Variants in ADH6 observed in about 807,000 individuals in gnomAD.
ADH6 encodes alcohol dehydrogenase 6.
Under a neutral mutation model 36.5 loss-of-function variants are expected in ADH6, and 34 were observed. The observed-to-expected ratio is 0.93, with a 90% CI of 0.71 to 1.24. The LOEUF (loss-of-function observed/expected upper bound fraction) is 1.24, where lower values mean the gene tolerates loss of function less well. ADH6 is among the 50% of genes most tolerant of loss of function. The probability of loss-of-function intolerance (pLI) is 0.00; values close to 1 mark genes in which losing one functional copy is unlikely to be tolerated. For missense variants in ADH6, 440 were observed against 447.0 expected (o/e 0.98, Z 0.14); for synonymous variants, 161 against 155.5 (o/e 1.04, Z -0.26).
At chr4:99,218,990 A>AGAG in intron 1 of ADH6, 145 bp downstream of exon 1, 1 of 732,900 alleles carries the variant, frequency 1.4e-6, no homozygotes, top group South Asian at 1.7e-5. Flanking sequence ...AGGAAAAAGG[A>AGAG]GAGGAGGAGG....
chr4:99,214,726 A>G (rs1250880038), intron 2 of ADH6, among the ~76,000 whole-genome samples: 3 of 152,326 alleles, frequency 2.0e-5, no homozygotes, highest in African/African-American at 7.2e-5. Flanking sequence ...TCACATGCAC[A>G]TACTCCTTAG....
chr4:99,204,967 T>A lies in ADH6; in HGVS notation c.1061A>T (p.Asp354Val). ...TAATTCAACTGCTTCATTGATTTTA[T>A]CAAGATTCAGAGTATGAGTAATTAG... ...DPLITHTLNL[D>V]KINEAVELMK... is the part of the protein sequence containing the mutation. The change falls in exon 8 of 9, where the codon GAT (aspartate) becomes GTT (valine). Residue 354 changes from aspartate (D) to valine (V), a missense_variant. By Grantham distance (152) the Asp-to-Val change is radical. Transcript: ENST00000394899. 6.2e-7 allele frequency: 1 copy of A among 1,610,150 alleles called. No individual in the cohort carries two copies. Among genetic ancestry groups the A allele is most frequent in the Non-Finnish European group, 8.5e-7 (1 of 1,178,368 alleles).
intron 7 of ADH6, among the ~76,000 whole-genome samples, 197 bp from the exon 8 acceptor site, chr4:99,205,260 C>G (rs531078521): frequency 7.9e-5 from 12 of 152,084 alleles, no homozygotes; most frequent in Non-Finnish European, 1.8e-4. Flanking sequence ...AAGGAGACTT[C>G]TGGTACTACA....
Position 99,208,923 on chromosome 4 carries a change from A to G in ADH6, c.573T>C (p.Thr191=). The G allele has an allele frequency of 6.2e-7, 1 of 1,612,968 alleles. No individual in the cohort carries two copies. Among genetic ancestry groups the G allele is most frequent in the South Asian group, 1.1e-5 (1 of 90,944 alleles). ...CAAACACAGCACAGGTAGAACCTGGAGTCACCTAAACACATACAGGCAGAA... is the reference window on the plus strand; with the variant it reads ...CAAACACAGCACAGGTAGAACCTGGGGTCACCTAAACACATACAGGCAGAA... ...FGAAINTAKV[T]PGSTCAVFGL... is the part of the protein sequence containing the mutation. The change falls in exon 6 of 9, where the codon ACT becomes ACC. Residue 191 remains threonine (T), a synonymous_variant. Coordinates refer to ENST00000394899, the MANE Select transcript of ADH6 (RefSeq NM_001102470.2).
intron 2 of ADH6, chr4:99,215,931 A>T: frequency 3.3e-6 from 1 of 298,592 alleles, no homozygotes; most frequent in Non-Finnish European, 6.1e-6. Flanking sequence ...AGCTGTAAAT[A>T]AGCCTGAGTT....
At chr4:99,211,334 G>T (rs1201545292) in intron 3 of ADH6, among the ~76,000 whole-genome samples, 1 of 151,994 alleles carries the variant, frequency 6.6e-6, no homozygotes, top group Non-Finnish European at 1.5e-5. Flanking sequence ...TATCTACCCT[G>T]GTTTGGGCCT....
rs748171479 is a variant in ADH6 at position 99,210,173 on chromosome 4, G to A, written c.476C>T (p.Ala159Val). ...EYTVIKEISV[A>V]KIDAVAPLEK... ...TAGAGGAGCGACTGCATCAATCTTG[G>A]CAACTGAGATTTCCTTTATCACTGT... Residue 159 changes from alanine to valine, a missense_variant, in exon 5 of 9, where the codon GCC (alanine) becomes GTC (valine). Coordinates refer to ENST00000394899, the MANE Select transcript of ADH6 (RefSeq NM_001102470.2). 1 of 1,613,776 alleles carries A rather than the reference G, an allele frequency of 6.2e-7. No homozygotes were observed. Among genetic ancestry groups the A allele is most frequent in the Admixed American group, 1.7e-5 (1 of 59,944 alleles).
At position 99,210,506 on chromosome 4, in the gene ADH6, A is replaced by G. The variant is rs1179994175; in HGVS notation, c.263-4T>C. On this transcript the variant is annotated splice_polypyrimidine_tract_variant and splice_region_variant and intron_variant, in intron 3 of 8. Coordinates refer to ENST00000394899, the MANE Select transcript of ADH6 (RefSeq NM_001102470.2). ...AAGAGTGTGATAACTTTGTCACCTAAAAGAGCAAAATCATGTCTTATTAAC... is the reference window on the plus strand; with the variant it reads ...AAGAGTGTGATAACTTTGTCACCTAGAAGAGCAAAATCATGTCTTATTAAC... 1 of 1,594,960 alleles carries G rather than the reference A, an allele frequency of 6.3e-7. No homozygotes were observed. The highest frequency in any genetic ancestry group is 8.6e-7 in the Non-Finnish European group (1 of 1,165,374).
At chr4:99,215,025 A>G (rs9307238) in intron 2 of ADH6, among the ~76,000 whole-genome samples, 86,022 of 151,990 alleles carry the variant, frequency 0.57, 24,959 homozygotes, top group East Asian at 0.88. Context: ...ACCATTGCCT[A>G]CCATCACTTA....
chr4:99,204,961 A>AT lies in ADH6; in HGVS notation c.1066dup (p.Ile356AsnfsTer3), dbSNP rs1435057540. 2.5e-6 allele frequency: 4 copies of AT among 1,608,574 alleles called. No homozygotes were observed. Among genetic ancestry groups the AT allele is most frequent in the Non-Finnish European group, 3.4e-6 (4 of 1,178,018 alleles). ...TTTCATTAATTCAACTGCTTCATTG[A>AT]TTTTATCAAGATTCAGAGTATGAGT... is the stretch of plus-strand genomic sequence containing the variant. On this transcript the variant is annotated frameshift_variant, in exon 8 of 9. Coordinates refer to ENST00000394899, the MANE Select transcript of ADH6 (RefSeq NM_001102470.2). LOFTEE classifies it low-confidence loss of function (END_TRUNC).
At chr4:99,207,404 C>T (rs1731072385) in intron 7 of ADH6, 42 bp downstream of exon 7, 1 of 1,609,498 alleles carries the variant, frequency 6.2e-7, no homozygotes, top group South Asian at 1.1e-5. Context: ...TTCCCACCTT[C>T]ACCTCCTCAG....
chr4:99,204,995 G>C lies in ADH6; in HGVS notation c.1033C>G (p.Pro345Ala). Residue 345 changes from proline to alanine, a missense_variant, in exon 8 of 9, where the codon CCA becomes GCA. Transcript: ENST00000394899. ...DYMAEKLNLD[P>A]LITHTLNLDK... ...AGATTCAGAGTATGAGTAATTAGTG[G>C]ATCTAGATTCAACTTCTCTGCCATA... 13 of 1,609,498 alleles carry C rather than the reference G, an allele frequency of 8.1e-6. No homozygotes were observed. Among genetic ancestry groups the C allele is most frequent in the Non-Finnish European group, 1.1e-5 (13 of 1,177,818 alleles).
At chr4:99,204,661 A>G in intron 8 of ADH6, 11 of 1,200,364 alleles carry the variant, frequency 9.2e-6, no homozygotes, top group Non-Finnish European at 1.1e-5. Flanking sequence ...TCATGTAAAA[A>G]AAAAATCCAT....
At chr4:99,211,504 G>T (rs956037540) in intron 3 of ADH6, among the ~76,000 whole-genome samples, 2 of 152,104 alleles carry the variant, frequency 1.3e-5, no homozygotes, top group African/African-American at 4.8e-5. Context: ...TCTTATTGTA[G>T]ACAGAGTTCT....
At chr4:99,207,029 C>T (rs759884688) in intron 7 of ADH6, among the ~76,000 whole-genome samples, 15 of 151,906 alleles carry the variant, frequency 9.9e-5, no homozygotes, top group African/African-American at 3.4e-4. Context: ...GAGTTGGTAG[C>T]GTGACAACTC....
At position 99,216,135 on chromosome 4, in the gene ADH6, ATTTTTTTT is replaced by A. The variant is rs34008565; in HGVS notation, c.120+18_120+25del. On this transcript the variant is annotated intron_variant, in intron 2 of 8. Coordinates refer to ENST00000394899, the MANE Select transcript of ADH6 (RefSeq NM_001102470.2). ...GCTCTGGCTTTTGGCTTTTGGTGTG[ATTTTTTTT>A]TTTTTTTTTTTTTTTACCTTTATGC... 1.7e-5 allele frequency: 15 copies of A among 865,244 alleles called. No homozygotes were observed. Among genetic ancestry groups the A allele is most frequent in the South Asian group, 5.8e-5 (2 of 34,748 alleles). 53.6% of individuals were successfully genotyped at this position (865,244 alleles called of 1,614,324 possible).
rs750548405 is a variant in ADH6, at chr4:99,210,163, A to C, written c.486T>G (p.Asp162Glu). ...ATACTTTCTCTAGAGGAGCGACTGCATCAATCTTGGCAACTGAGATTTCCT... is the reference window on the plus strand; with the variant it reads ...ATACTTTCTCTAGAGGAGCGACTGCCTCAATCTTGGCAACTGAGATTTCCT... The part of the protein sequence containing the change: ...VIKEISVAKI[D>E]AVAPLEKVCL... The change falls in exon 5 of 9, where the codon GAT becomes GAG. Residue 162 changes from aspartate to glutamate, a missense_variant. Coordinates refer to ENST00000394899, the MANE Select transcript of ADH6 (RefSeq NM_001102470.2). The C allele has an allele frequency of 8.7e-6, 14 of 1,613,860 alleles. No individual in the cohort carries two copies. The highest frequency in any genetic ancestry group is 1.2e-5 in the Non-Finnish European group (14 of 1,179,834).
intron 1 of ADH6, among the ~76,000 whole-genome samples, chr4:99,218,330 C>T (rs1270620568): frequency 1.3e-5 from 2 of 152,146 alleles, no homozygotes; most frequent in Non-Finnish European, 2.9e-5. Context: ...TTTTTCTGTC[C>T]CTCAATCTTC....
intron 3 of ADH6, among the ~76,000 whole-genome samples, chr4:99,211,833 A>G: frequency 6.6e-6 from 1 of 152,126 alleles, no homozygotes; most frequent in East Asian, 1.9e-4. Context: ...AAATGTGAGC[A>G]ATTTCAGGGA....
Sources: gnomAD v4.1 joint callset for allele counts (sites outside exome capture counted in the v4.1 genomes callset) on GRCh38, gnomAD v4.1.1 for gene constraint, MANE v1.5 for transcripts, NCBI Gene and HGNC (gene_info 2026-07-23, HGNC 2026-07-21) for gene names.